TNFRSF8: variants seen among roughly 807,000 people sequenced by gnomAD.
TNFRSF8 encodes tumor necrosis factor receptor superfamily member 8.
Under a neutral mutation model 70.8 loss-of-function variants are expected in TNFRSF8, and 26 were observed. The ratio of observed to expected loss-of-function variants is 0.37; its 90% CI spans 0.27 to 0.51. TNFRSF8 has a LOEUF of 0.51. TNFRSF8 is among the 20% of genes least tolerant of loss of function. The pLI, the probability that TNFRSF8 is intolerant of heterozygous loss-of-function variation, is 0.94. For missense variants in TNFRSF8, 720 were observed against 807.9 expected (o/e 0.89, Z 1.32); for synonymous variants, 356 against 339.2 (o/e 1.05, Z -0.54).
Position 12,142,979 on chromosome 1 carries a change from T to G in TNFRSF8, c.*448T>G. 1 of 157,966 alleles carries G rather than the reference T, an allele frequency of 6.3e-6. No homozygotes were observed. The highest frequency in any genetic ancestry group is 1.4e-5 in the Non-Finnish European group (1 of 71,896). The allele number at this position is 157,966 out of a possible 1,614,324, so 9.8% of individuals were successfully genotyped here. A position where few individuals can be genotyped will look rare whatever the true frequency, so the allele number is the denominator to read the frequency against. ...CCCTGGACCTCAGAGGTGACACCCA[T>G]TGGGCCCTTCCGGCATGCCCCCAGT... On this transcript the variant is annotated 3_prime_UTR_variant, in exon 15 of 15. Transcript: ENST00000263932. This position sits in a 1 kb window ranked among gnomAD's most constrained non-coding sequence, Gnocchi z 5.0.
chr1:12,080,401 C>G, intron 1 of TNFRSF8: 1 of 526,132 alleles, frequency 1.9e-6, no homozygotes, highest in Non-Finnish European at 3.8e-6. Context: ...TGCTCTGGTA[C>G]TTGTTGGCTT....
intron 12 of TNFRSF8, among the ~76,000 whole-genome samples, chr1:12,128,041 C>T (rs1466052474): frequency 6.6e-6 from 1 of 152,196 alleles, no homozygotes; most frequent in Non-Finnish European, 1.5e-5. Context: ...TCACAGAGCA[C>T]CGGGTGAGAA....
In TNFRSF8 at chr1:12,112,097, T is replaced by C. The variant is rs1345779148; in HGVS notation, c.793+83T>C. On this transcript the variant is annotated intron_variant, in intron 7 of 14. Transcript: ENST00000263932. This position sits in a 1 kb window ranked among gnomAD's most constrained non-coding sequence, Gnocchi z 5.3. ...AACTTCCAGTAACTACTCCCCCTTA[T>C]GTTTGTGGGTTTTTGATGGGGGTCG... is the stretch of plus-strand genomic sequence containing the variant. The C allele has an allele frequency of 1.0e-6, 1 of 999,328 alleles. No homozygotes were observed. The highest frequency in any genetic ancestry group is 1.5e-6 in the Non-Finnish European group (1 of 658,910). 61.9% of individuals were successfully genotyped at this position (999,328 alleles called of 1,614,324 possible).
rs972374586 is a variant in TNFRSF8, at chr1:12,076,219, G to A, written c.64-8245G>A. 4.0e-5 allele frequency among the ~76,000 whole-genome samples: 6 copies of A among 150,674 alleles called. No individual in the cohort carries two copies. In the East Asian group the frequency reaches 1.2e-3, roughly 29 times the overall value. ...GGGTTCAAGCGATTCTTCTGCCTCA[G>A]CCTCCCGAGTAGCTGGAATTACAGG... On this transcript the variant is annotated intron_variant, in intron 1 of 14. Coordinates refer to ENST00000263932, the MANE Select transcript of TNFRSF8 (RefSeq NM_001243.5).
At chr1:12,103,713 C>T (rs1570031116) in intron 3 of TNFRSF8, among the ~76,000 whole-genome samples, 2 of 152,004 alleles carry the variant, frequency 1.3e-5, no homozygotes, top group African/African-American at 2.4e-5. Flanking sequence ...TTCACTATGT[C>T]GCCATATGAG....
Position 12,110,684 on chromosome 1 carries a change from C to T in TNFRSF8, c.676+480C>T, listed in dbSNP as rs942913517. Among the ~76,000 whole-genome samples the T allele has an allele frequency of 5.3e-5, 8 of 152,274 alleles. 1 individual carries two copies. The South Asian group carries it at 1.7e-3, about 32-fold the overall frequency. On this transcript the variant is annotated intron_variant, in intron 6 of 14. Coordinates refer to ENST00000263932, the MANE Select transcript of TNFRSF8 (RefSeq NM_001243.5). The surrounding 1 kb of genome is among the most constrained non-coding windows in gnomAD (Gnocchi z 4.0). Reference sequence around the variant, plus strand: ...CGCAATCTCGGCTCACTGCCACCTCCACCTCCTGGGTTCAAGCGATTCTCC... The same window carrying T: ...CGCAATCTCGGCTCACTGCCACCTCTACCTCCTGGGTTCAAGCGATTCTCC...
chr1:12,123,601 G>A, intron 9 of TNFRSF8, 114 bp from the exon 10 acceptor site: 2 of 1,035,224 alleles, frequency 1.9e-6, no homozygotes, highest in East Asian at 2.6e-5. Context: ...TCGGGGCAGA[G>A]GATCTAGGGG....
In TNFRSF8 at chr1:12,104,371, T is replaced by C; in HGVS notation, c.269-8T>C. 1.9e-6 allele frequency: 3 copies of C among 1,614,094 alleles called. No individual in the cohort carries two copies. The highest frequency in any genetic ancestry group is 2.5e-6 in the Non-Finnish European group (3 of 1,180,000). Reference sequence around the variant, plus strand: ...TTCCCCTCTGTGACCCCTGTCTGTGTCCCTTAGACGACCTCGTGGAGAAGA... The same window carrying C: ...TTCCCCTCTGTGACCCCTGTCTGTGCCCCTTAGACGACCTCGTGGAGAAGA... On this transcript the variant is annotated splice_polypyrimidine_tract_variant and splice_region_variant and intron_variant, in intron 3 of 14. Transcript: ENST00000263932.
chr1:12,135,025 G>A (rs1642118781), intron 12 of TNFRSF8, among the ~76,000 whole-genome samples: 1 of 152,104 alleles, frequency 6.6e-6, no homozygotes, highest in African/African-American at 2.4e-5. Flanking sequence ...CATTAGGAAT[G>A]AGAGTGGCAG....
intron 12 of TNFRSF8, among the ~76,000 whole-genome samples, chr1:12,133,272 C>CTTCAAGGCCGAG (rs1553159073): frequency 3.9e-5 from 6 of 151,972 alleles, no homozygotes; most frequent in Non-Finnish European, 8.8e-5. Context: ...CCCACTTCCC[C>CTTCAAGGCCGAG]TTCAAGGCCG....
intron 1 of TNFRSF8, among the ~76,000 whole-genome samples, chr1:12,069,774 A>G (rs554453385): frequency 3.9e-5 from 6 of 152,330 alleles, no homozygotes; most frequent in African/African-American, 1.4e-4. Context: ...GACATTCCAC[A>G]GGGGTGACAG....
At chr1:12,120,424 G>A (rs906400318) in intron 8 of TNFRSF8, among the ~76,000 whole-genome samples, 1 of 152,174 alleles carries the variant, frequency 6.6e-6, no homozygotes, top group African/African-American at 2.4e-5. Flanking sequence ...GATATGGTGA[G>A]GGCACACTGT....
chr1:12,081,081 C>T (rs956769299), intron 1 of TNFRSF8, among the ~76,000 whole-genome samples: 1 of 152,124 alleles, frequency 6.6e-6, no homozygotes. Context: ...AAAGCAGGCA[C>T]CCAAGGCCAG....
rs1357468803 is a variant in TNFRSF8, at chr1:12,142,109, T to A, written c.1544-178T>A. On this transcript the variant is annotated intron_variant, in intron 14 of 14. Transcript: ENST00000263932. The surrounding 1 kb of genome is among the most constrained non-coding windows in gnomAD (Gnocchi z 5.0). ...AACTCCTCAAGGCCCAGCTCCTAGCTGTTCTATTTCCTCTGAGCCCCCAGG... is the reference window on the plus strand; with the variant it reads ...AACTCCTCAAGGCCCAGCTCCTAGCAGTTCTATTTCCTCTGAGCCCCCAGG... 6.6e-6 allele frequency among the ~76,000 whole-genome samples: 1 copy of A among 152,232 alleles called. No homozygotes were observed. Among genetic ancestry groups the A allele is most frequent in the Non-Finnish European group, 1.5e-5 (1 of 68,034 alleles).
chr1:12,118,437 G>A (rs1641773280), intron 8 of TNFRSF8, among the ~76,000 whole-genome samples: 3 of 152,124 alleles, frequency 2.0e-5, no homozygotes, highest in African/African-American at 7.2e-5. Context: ...AAATAAATAT[G>A]AATGAGCAAA....
intron 2 of TNFRSF8, among the ~76,000 whole-genome samples, chr1:12,086,906 C>T (rs1557580641): frequency 1.3e-5 from 2 of 152,032 alleles, no homozygotes; most frequent in Non-Finnish European, 2.9e-5. Flanking sequence ...TCTCCAAATA[C>T]AGTCACACTG....
chr1:12,115,474 G>A (rs1178615811), intron 7 of TNFRSF8, 103 bp from the exon 8 acceptor site: 2 of 1,268,370 alleles, frequency 1.6e-6, no homozygotes, highest in African/African-American at 2.9e-5. Flanking sequence ...TTTCTTGTTG[G>A]ATGACCCTTG....
chr1:12,122,763 CA>C (rs1376047282), intron 8 of TNFRSF8, among the ~76,000 whole-genome samples: 1 of 152,106 alleles, frequency 6.6e-6, no homozygotes, highest in Non-Finnish European at 1.5e-5. Flanking sequence ...CTCTTAAAAG[CA>C]AAAGGTCTAG....
At chr1:12,080,608 A>G (rs1444143866) in intron 1 of TNFRSF8, 3 of 336,662 alleles carry the variant, frequency 8.9e-6, no homozygotes, top group African/African-American at 2.2e-5. Context: ...CCTAGGCTGG[A>G]GTGCAATGGT....
Sources: gnomAD v4.1 joint callset for allele counts (sites outside exome capture counted in the v4.1 genomes callset) on GRCh38, gnomAD v4.1.1 for gene constraint, Gnocchi (gnomAD v3.1) non-coding constraint, MANE v1.5 for transcripts, NCBI Gene and HGNC (gene_info 2026-07-23, HGNC 2026-07-21) for gene names.